The following HSDL2 variants were observed in gnomAD, a reference collection of about 807,000 sequenced individuals.
HSDL2 encodes hydroxysteroid dehydrogenase like 2.
A neutral mutation model predicts 46.3 loss-of-function variants in HSDL2; 27 were observed. That is an observed-to-expected ratio of 0.58 (90% CI 0.43 to 0.80). The LOEUF (loss-of-function observed/expected upper bound fraction) is 0.80, where lower values mean the gene tolerates loss of function less well. Among genes scored for constraint, HSDL2 ranks in the 30% least tolerant of loss-of-function variants. HSDL2 has a pLI of 0.00. For missense variants in HSDL2, 451 were observed against 502.7 expected (o/e 0.90, Z 0.98); for synonymous variants, 153 against 163.6 (o/e 0.94, Z 0.50).
intron 6 of HSDL2, among the ~76,000 whole-genome samples, chr9:112,424,568 T>C (rs550527311): frequency 6.2e-4 from 94 of 152,048 alleles, no homozygotes; most frequent in East Asian, 9.6e-4. Flanking sequence ...CCTTCACCAG[T>C]AGTTTTCTCT....
chr9:112,395,260 A>C (rs1382083434), intron 1 of HSDL2, among the ~76,000 whole-genome samples: 1 of 152,144 alleles, frequency 6.6e-6, no homozygotes, highest in African/African-American at 2.4e-5. Flanking sequence ...GTCGGCACAG[A>C]TCTCACCAGG....
rs1467988509 is a variant in HSDL2, at chr9:112,472,105, A to C, written c.*1561A>C. ...TCCATGTAATCAAAGTGAACTTAAA[A>C]ATAGGACAGTTTCAACAAGTCAGGA... On this transcript the variant is annotated 3_prime_UTR_variant, in exon 11 of 11. Transcript: ENST00000398805. 1 of 152,264 alleles carries C rather than the reference A, an allele frequency of 6.6e-6. No individual in the cohort carries two copies. The highest frequency in any genetic ancestry group is 1.5e-5 in the Non-Finnish European group (1 of 68,052). The allele number at this position is 152,264 out of a possible 1,614,324, so 9.4% of individuals were successfully genotyped here.
At chr9:112,421,051 C>T (rs143853860) in intron 6 of HSDL2, among the ~76,000 whole-genome samples, 345 of 152,208 alleles carry the variant, frequency 2.3e-3, no homozygotes, top group African/African-American at 7.8e-3. Context: ...TGTAACAGGC[C>T]AGTTGCAGTG....
At chr9:112,394,850 A>G (rs1019565741) in intron 1 of HSDL2, among the ~76,000 whole-genome samples, 1 of 152,192 alleles carries the variant, frequency 6.6e-6, no homozygotes, top group African/African-American at 2.4e-5. Flanking sequence ...GGCAATGGTC[A>G]TCTGTAGCTC....
At chr9:112,408,512 G>T (rs1831784970) in intron 3 of HSDL2, among the ~76,000 whole-genome samples, 1 of 152,148 alleles carries the variant, frequency 6.6e-6, no homozygotes, top group African/African-American at 2.4e-5. Flanking sequence ...TTCTGAGAAA[G>T]GCATTATTAG....
Position 112,446,934 on chromosome 9 carries a change from G to C in HSDL2, c.865+5164G>C, listed in dbSNP as rs545109437. On this transcript the variant is annotated intron_variant, in intron 8 of 10. Transcript: ENST00000398805. ...AAGCCCAGAGTCTGATCCAGCGCGAGCCTCTCTTCTTTGTTCGGGTGGGCA... is the reference window on the plus strand; with the variant it reads ...AAGCCCAGAGTCTGATCCAGCGCGACCCTCTCTTCTTTGTTCGGGTGGGCA... 5.3e-5 allele frequency among the ~76,000 whole-genome samples: 8 copies of C among 152,328 alleles called. No homozygotes were observed. In the East Asian group the frequency reaches 1.5e-3, roughly 29 times the overall value.
At chr9:112,390,973 C>T (rs945407909) in intron 1 of HSDL2, among the ~76,000 whole-genome samples, 9 of 151,912 alleles carry the variant, frequency 5.9e-5, no homozygotes, top group Non-Finnish European at 8.8e-5. Flanking sequence ...GTCAGGAGTT[C>T]AAGACCAGCC....
chr9:112,416,236 CCT>C (rs1404420730), intron 4 of HSDL2, among the ~76,000 whole-genome samples: 2 of 151,722 alleles, frequency 1.3e-5, no homozygotes, highest in East Asian at 3.9e-4. Context: ...ATAGCAAGAC[CCT>C]GTTTCTAAAA....
At chr9:112,425,887 C>T (rs552272443) in intron 6 of HSDL2, among the ~76,000 whole-genome samples, 7 of 149,836 alleles carry the variant, frequency 4.7e-5, no homozygotes, top group Non-Finnish European at 8.9e-5. Flanking sequence ...ACCACCATGC[C>T]CAGCTAGTTT....
At chr9:112,413,564 A>G (rs963890252) in intron 4 of HSDL2, among the ~76,000 whole-genome samples, 2 of 152,132 alleles carry the variant, frequency 1.3e-5, no homozygotes, top group Non-Finnish European at 2.9e-5. Context: ...CTCACAGAAC[A>G]CATTTCTTTT....
intron 6 of HSDL2, among the ~76,000 whole-genome samples, chr9:112,432,738 T>C (rs369232406): frequency 8.5e-5 from 13 of 152,160 alleles, no homozygotes; most frequent in African/African-American, 3.1e-4. Context: ...TTCCTTGTGG[T>C]GCATGGTATG....
intron 1 of HSDL2, among the ~76,000 whole-genome samples, chr9:112,394,504 C>T (rs2132605784): frequency 6.6e-6 from 1 of 152,236 alleles, no homozygotes; most frequent in East Asian, 1.9e-4. Flanking sequence ...CCATGTGAGT[C>T]ATTTTTTAAT....
chr9:112,458,804 A>G (rs1794641088), intron 9 of HSDL2, among the ~76,000 whole-genome samples: 1 of 151,186 alleles, frequency 6.6e-6, no homozygotes, highest in South Asian at 2.1e-4. Context: ...ACATGGTGAG[A>G]CCCCGTCTCT....
chr9:112,461,815 G>C (rs1833217827), intron 10 of HSDL2, among the ~76,000 whole-genome samples: 1 of 152,190 alleles, frequency 6.6e-6, no homozygotes, highest in South Asian at 2.1e-4. Context: ...CAAAGGTGAA[G>C]AAATCAAGTG....
intron 10 of HSDL2, among the ~76,000 whole-genome samples, chr9:112,466,769 C>T (rs1305827307): frequency 6.6e-6 from 1 of 152,050 alleles, no homozygotes; most frequent in Non-Finnish European, 1.5e-5. Flanking sequence ...GGTTAGGAAG[C>T]TTTATACCTA....
chr9:112,469,183 G>A (rs1355764390), intron 10 of HSDL2, among the ~76,000 whole-genome samples: 1 of 151,898 alleles, frequency 6.6e-6, no homozygotes, highest in Non-Finnish European at 1.5e-5. Context: ...ACTCCATGAG[G>A]CTTTGCTATA....
At chr9:112,423,404 T>G (rs4979114) in intron 6 of HSDL2, among the ~76,000 whole-genome samples, 1 of 152,060 alleles carries the variant, frequency 6.6e-6, no homozygotes, top group Non-Finnish European at 1.5e-5. Context: ...AGCAGTGGCA[T>G]AATCTCGGCT....
intron 4 of HSDL2, among the ~76,000 whole-genome samples, chr9:112,414,655 G>T (rs1831953579): frequency 6.6e-6 from 1 of 152,074 alleles, no homozygotes; most frequent in Admixed American, 6.6e-5. Context: ...TGTAAAATAT[G>T]GTCTTATTTA....
intron 1 of HSDL2, among the ~76,000 whole-genome samples, chr9:112,396,283 C>T (rs370986077): frequency 7.9e-5 from 12 of 152,134 alleles, no homozygotes; most frequent in African/African-American, 2.9e-4. Flanking sequence ...TTTCCAACCC[C>T]TACTAGTCCC....
Sources: gnomAD v4.1 joint callset for allele counts (sites outside exome capture counted in the v4.1 genomes callset) on GRCh38, gnomAD v4.1.1 for gene constraint, MANE v1.5 for transcripts, NCBI Gene and HGNC (gene_info 2026-07-23, HGNC 2026-07-21) for gene names.